Variants in GCNT3 observed in about 807,000 individuals in gnomAD.
The protein encoded by GCNT3 is glucosaminyl (N-acetyl) transferase 3, mucin type, also known as beta-1,3-galactosyl-O-glycosyl-glycoprotein beta-1,6-N-acetylglucosaminyltransferase 3.
For missense variants in GCNT3, 708 were observed against 530.3 expected (o/e 1.34, Z -3.29); for synonymous variants, 269 against 195.2 (o/e 1.38, Z -3.15).
chr15:59,617,107 T>C (rs1455794610), intron 2 of GCNT3, among the ~76,000 whole-genome samples: 2 of 151,686 alleles, frequency 1.3e-5, no homozygotes, highest in East Asian at 3.8e-4. Context: ...TTTTTTCTTT[T>C]TTTTCCATAT....
At chr15:59,615,596 G>A (rs1331012238) in intron 1 of GCNT3, among the ~76,000 whole-genome samples, 1 of 151,842 alleles carries the variant, frequency 6.6e-6, no homozygotes, top group African/African-American at 2.4e-5. Context: ...AATTTGCCCT[G>A]TTCAGGCTGG....
chr15:59,612,248 C>G (rs79301563), intron 1 of GCNT3, among the ~76,000 whole-genome samples: 13,427 of 152,068 alleles, frequency 0.088, 936 homozygotes, highest in East Asian at 0.3. Flanking sequence ...AAAGCTCAAG[C>G]GATGAAGTTG....
In GCNT3 at chr15:59,619,054, G is replaced by A. The variant is rs1398602819; in HGVS notation, c.816G>A (p.Val272=). ...GCTGGAAATATCACTTTGAGGTAGT[G>A]AGAGACACATTACACCTAACCAACA... ...ETRWKYHFEV[V]RDTLHLTNKK... is the part of the protein sequence containing the mutation. The change falls in exon 3 of 3, where the codon GTG becomes GTA. Residue 272 remains valine, a synonymous_variant. Coordinates refer to ENST00000396065, the MANE Select transcript of GCNT3 (RefSeq NM_004751.3). 2 of 1,614,118 alleles carry A rather than the reference G, an allele frequency of 1.2e-6. No homozygotes were observed. Among genetic ancestry groups the A allele is most frequent in the South Asian group, 2.2e-5 (2 of 91,070 alleles).
Position 59,621,586 on chromosome 15 carries a change from A to AATTTTTT in GCNT3, c.*2031_*2032insATTTTTT, listed in dbSNP as rs879927802. Reference sequence around the variant, plus strand: ...TCATTAATATGTTTCTTCCTTTCTGATTTTTGTTTTTTTTTTTTTTTTTGA... The same window carrying AATTTTTT: ...TCATTAATATGTTTCTTCCTTTCTGAATTTTTTTTTTTGTTTTTTTTTTTTTTTTTGA... On this transcript the variant is annotated 3_prime_UTR_variant, in exon 3 of 3. Transcript: ENST00000396065. The AATTTTTT allele has an allele frequency of 3.3e-5, 3 of 90,876 alleles. No homozygotes were observed. The South Asian group carries it at 1.2e-3, about 38-fold the overall frequency. 5.6% of individuals were successfully genotyped at this position (90,876 alleles called of 1,614,324 possible).
At chr15:59,612,012 G>A (rs2082698496) in intron 1 of GCNT3, 31 bp downstream of exon 1, 1 of 152,240 alleles carries the variant, frequency 6.6e-6, no homozygotes, top group African/African-American at 2.4e-5. Context: ...TTAAGTAAAA[G>A]TGTGCATTAG....
chr15:59,617,363 G>T (rs764172175), intron 2 of GCNT3, among the ~76,000 whole-genome samples: 5 of 151,722 alleles, frequency 3.3e-5, no homozygotes, highest in Non-Finnish European at 7.4e-5. Flanking sequence ...GTGGAGAGGA[G>T]TCCTGGATTT....
In GCNT3 at chr15:59,622,347, G is replaced by T. The variant is rs960734469; in HGVS notation, c.*2792G>T. The T allele has an allele frequency of 6.6e-6, 1 of 151,644 alleles. No homozygotes were observed. The highest frequency in any genetic ancestry group is 1.5e-5 in the Non-Finnish European group (1 of 67,990). 9.4% of individuals were successfully genotyped at this position (151,644 alleles called of 1,614,324 possible). A position where few individuals can be genotyped will look rare whatever the true frequency, so the allele number is the denominator to read the frequency against. On this transcript the variant is annotated 3_prime_UTR_variant, in exon 3 of 3. Coordinates refer to ENST00000396065, the MANE Select transcript of GCNT3 (RefSeq NM_004751.3). The stretch of plus-strand genomic sequence containing the variant: ...AAAAAAGTTACCTTTTTTTGGTAAG[G>T]TTGTACTTCTTAGATAATGGTCATT...
intron 2 of GCNT3, 23 bp downstream of exon 2, chr15:59,616,904 A>G (rs2082722032): frequency 6.6e-6 from 1 of 152,024 alleles, no homozygotes; most frequent in African/African-American, 2.4e-5. Flanking sequence ...TTCATTTTTC[A>G]TTTTCCTTCC....
chr15:59,612,608 G>C (rs1429384571), intron 1 of GCNT3, among the ~76,000 whole-genome samples: 1 of 152,138 alleles, frequency 6.6e-6, no homozygotes, highest in Non-Finnish European at 1.5e-5. Context: ...CTTGAAATGT[G>C]CCCGGGATCC....
At chr15:59,614,541 C>T (rs1360780350) in intron 1 of GCNT3, among the ~76,000 whole-genome samples, 4 of 152,136 alleles carry the variant, frequency 2.6e-5, no homozygotes, top group Admixed American at 1.3e-4. Context: ...TCATGCCTCC[C>T]CCTTTTAGAT....
rs368222436 is a variant in GCNT3, at chr15:59,618,703, C to A, written c.465C>A (p.Ala155=). The A allele has an allele frequency of 6.2e-7, 1 of 1,613,946 alleles. No individual in the cohort carries two copies. The highest frequency in any genetic ancestry group is 8.5e-7 in the Non-Finnish European group (1 of 1,179,864). Reference sequence around the variant, plus strand: ...AAAGGCTACTGCGAGCTGTGTATGCCCCTCAGAACATATACTGTGTCCATG... The same window carrying A: ...AAAGGCTACTGCGAGCTGTGTATGCACCTCAGAACATATACTGTGTCCATG... The part of the protein sequence containing the change: ...NFERLLRAVY[A]PQNIYCVHVD... Residue 155 remains alanine, a synonymous_variant, in exon 3 of 3, where the codon GCC becomes GCA. Coordinates refer to ENST00000396065, the MANE Select transcript of GCNT3 (RefSeq NM_004751.3).
At position 59,620,706 on chromosome 15, in the gene GCNT3, A is replaced by T. The variant is rs1268929625; in HGVS notation, c.*1151A>T. On this transcript the variant is annotated 3_prime_UTR_variant, in exon 3 of 3. Transcript: ENST00000396065. Reference sequence around the variant, plus strand: ...TGTTCCATAAAGGAGATAATAGCCAATCAGGTAAGGTAATGTGTAATTCAT... The same window carrying T: ...TGTTCCATAAAGGAGATAATAGCCATTCAGGTAAGGTAATGTGTAATTCAT... 2 of 166,986 alleles carry T rather than the reference A, an allele frequency of 1.2e-5. No homozygotes were observed. 10.3% of individuals were successfully genotyped at this position (166,986 alleles called of 1,614,324 possible).
chr15:59,612,058 T>A (rs529809778), intron 1 of GCNT3, 77 bp downstream of exon 1: 1 of 152,184 alleles, frequency 6.6e-6, no homozygotes, highest in Non-Finnish European at 1.5e-5. Context: ...GAATCCTGCT[T>A]CTTGGGCCCT....
chr15:59,613,277 C>T (rs370255076), intron 1 of GCNT3, among the ~76,000 whole-genome samples: 6 of 152,118 alleles, frequency 3.9e-5, no homozygotes, highest in South Asian at 2.1e-4. Context: ...CTGAGTCCCA[C>T]GCTGGGCTTT....
At chr15:59,617,165 G>GT (rs2082723241) in intron 2 of GCNT3, among the ~76,000 whole-genome samples, 17 of 60,638 alleles carry the variant, frequency 2.8e-4, no homozygotes, top group Admixed American at 7.6e-4. Flanking sequence ...TTTTTCTTTT[G>GT]TTTTCTTTCT....
At position 59,618,330 on chromosome 15, in the gene GCNT3, T is replaced by A; in HGVS notation, c.92T>A (p.Phe31Tyr). Residue 31 changes from phenylalanine (F) to tyrosine (Y), a missense_variant, in exon 3 of 3, where the codon TTC becomes TAC. By Grantham distance (22) the Phe-to-Tyr change is conservative. Transcript: ENST00000396065. ...GCCACTGTGGCTCTGAAACTTTCTT[T>A]CAGGTTGAAGTGTGACTCTGACCAC... ...LLATVALKLS[F>Y]RLKCDSDHLG... 6.2e-7 allele frequency: 1 copy of A among 1,613,982 alleles called. No individual in the cohort carries two copies. Among genetic ancestry groups the A allele is most frequent in the Non-Finnish European group, 8.5e-7 (1 of 1,179,934 alleles).
In GCNT3 at chr15:59,619,998, C is replaced by G. The variant is rs1226179380; in HGVS notation, c.*443C>G. The G allele has an allele frequency of 1.2e-5, 2 of 171,084 alleles. No homozygotes were observed. Among genetic ancestry groups the G allele is most frequent in the African/African-American group, 4.8e-5 (2 of 41,436 alleles). 10.6% of individuals were successfully genotyped at this position (171,084 alleles called of 1,614,324 possible). ...ACTGTTAACTTAAAAATAAATAGCT[C>G]CTGATTCAAAGTATTACCTCTACTT... On this transcript the variant is annotated 3_prime_UTR_variant, in exon 3 of 3. Coordinates refer to ENST00000396065, the MANE Select transcript of GCNT3 (RefSeq NM_004751.3).
Position 59,619,307 on chromosome 15 carries a change from A to G in GCNT3, c.1069A>G (p.Met357Val), listed in dbSNP as rs769331670. The G allele has an allele frequency of 5.0e-6, 8 of 1,613,990 alleles. No individual in the cohort carries two copies. The highest frequency in any genetic ancestry group is 2.2e-5 in the East Asian group (1 of 44,876). ...CCACCCCAAGTACGACATCTCAGAC[A>G]TGACTTCTATTGCCAGGCTGGTCAA... ...PNHPKYDISD[M>V]TSIARLVKWQ... The change falls in exon 3 of 3, where the codon ATG (methionine) becomes GTG (valine). Residue 357 changes from methionine (M) to valine (V), a missense_variant. Coordinates refer to ENST00000396065, the MANE Select transcript of GCNT3 (RefSeq NM_004751.3).
chr15:59,619,468 C>G lies in GCNT3; in HGVS notation c.1230C>G (p.Asn410Lys). ...TTCAAAACCATCACCTGTTGGCCAA[C>G]AAGTTTGACCCAAAGGTAGATGATA... ...WMLQNHHLLA[N>K]KFDPKVDDNA... Residue 410 changes from asparagine (N) to lysine (K), a missense_variant, in exon 3 of 3, where the codon AAC (asparagine) becomes AAG (lysine). Coordinates refer to ENST00000396065, the MANE Select transcript of GCNT3 (RefSeq NM_004751.3). The G allele has an allele frequency of 6.2e-7, 1 of 1,614,106 alleles. No individual in the cohort carries two copies. Among genetic ancestry groups the G allele is most frequent in the Non-Finnish European group, 8.5e-7 (1 of 1,179,988 alleles).
Sources: gnomAD v4.1 joint callset for allele counts (sites outside exome capture counted in the v4.1 genomes callset) on GRCh38, gnomAD v4.1.1 for gene constraint, MANE v1.5 for transcripts, NCBI Gene and HGNC (gene_info 2026-07-23, HGNC 2026-07-21) for gene names.